Variants in ARAP2 observed in about 807,000 individuals in gnomAD.
The protein encoded by ARAP2 is arf-GAP with Rho-GAP domain, ANK repeat and PH domain-containing protein 2.
A neutral mutation model predicts 194.5 loss-of-function variants in ARAP2; 148 were observed. The ratio of observed to expected loss-of-function variants is 0.76; its 90% CI spans 0.67 to 0.87. The LOEUF (loss-of-function observed/expected upper bound fraction) is 0.87, where lower values mean the gene tolerates loss of function less well. Among genes scored for constraint, ARAP2 ranks in the 40% least tolerant of loss-of-function variants. The pLI is 0.00. For missense variants in ARAP2, 2,128 were observed against 1,989.7 expected, an observed-to-expected ratio of 1.07 and a Z score of -1.32; for synonymous variants, 695 against 683.5, an observed-to-expected ratio of 1.02 and a Z score of -0.26.
At chr4:36,130,156 T>C (rs934680773) in intron 20 of ARAP2, among the ~76,000 whole-genome samples, 3 of 151,958 alleles carry the variant, frequency 2.0e-5, no homozygotes, top group African/African-American at 7.2e-5. Context: ...TACTACATTG[T>C]CACAACTCCT....
intron 1 of ARAP2, among the ~76,000 whole-genome samples, chr4:36,059,420 G>A (rs1220595169): frequency 1.3e-5 from 2 of 152,154 alleles, no homozygotes; most frequent in Non-Finnish European, 2.9e-5. Context: ...GGGTTTGAAT[G>A]CCAGCTTTGC....
rs1722027705 is a variant in ARAP2 at position 36,047,516 on chromosome 4, T to G, written n.370-667A>C. Among the ~76,000 whole-genome samples the G allele has an allele frequency of 1.3e-5, 2 of 152,240 alleles. 1 individual carries two copies. The highest frequency in any genetic ancestry group is 1.3e-4 in the Admixed American group (2 of 15,278). ...ATTTTAGATTCATGCTTTCTTTTAT[T>G]GCTCACTTCTTTATTGAAGCAGCAC... On this transcript the variant is annotated intron_variant and non_coding_transcript_variant, in intron 3 of 12. Coordinates refer to the ARAP2 transcript ENST00000503225.
intron 3 of ARAP2, among the ~76,000 whole-genome samples, chr4:36,213,962 T>C (rs1747351685): frequency 6.6e-6 from 1 of 152,172 alleles, no homozygotes; most frequent in African/African-American, 2.4e-5. Context: ...GTTTGACATC[T>C]TATTGTCAAA....
chr4:36,214,452 T>C lies in ARAP2; in HGVS notation c.934A>G (p.Thr312Ala). The C allele has an allele frequency of 4.4e-6, 7 of 1,594,570 alleles. No homozygotes were observed. Among genetic ancestry groups the C allele is most frequent in the Non-Finnish European group, 6.0e-6 (7 of 1,168,468 alleles). ...SYFRERRNVA[T>A]STEKSVAWQN... is the part of the protein sequence containing the mutation. ...CATGCCACAGATTTTTCAGTTGAGG[T>C]AGCAACATTTCTTCTTTCACGGAAA... Residue 312 changes from threonine (T) to alanine (A), a missense_variant, in exon 3 of 33, where the codon ACC becomes GCC. By Grantham distance (58) the Thr-to-Ala change is moderately conservative. Coordinates refer to ENST00000303965, the MANE Select transcript of ARAP2 (RefSeq NM_015230.4).
chr4:36,083,999 C>T (rs1730241210), intron 28 of ARAP2, among the ~76,000 whole-genome samples: 1 of 152,120 alleles, frequency 6.6e-6, no homozygotes, highest in Admixed American at 6.6e-5. Context: ...CCTTGAACAT[C>T]AGACTCCCAA....
At chr4:36,174,575 T>C (rs1354112097) in intron 9 of ARAP2, among the ~76,000 whole-genome samples, 12 of 152,190 alleles carry the variant, frequency 7.9e-5, no homozygotes, top group Non-Finnish European at 1.3e-4. Flanking sequence ...ATGTGTGTTT[T>C]TGGCTCATCC....
Position 36,228,933 on chromosome 4 carries a change from T to C in ARAP2, c.554A>G (p.Lys185Arg), listed in dbSNP as rs1019288321. The change falls in exon 2 of 33, where the codon AAG becomes AGG. Residue 185 changes from lysine to arginine, a missense_variant. Lys to Arg is a conservative substitution (Grantham distance 26, BLOSUM62 2). Transcript: ENST00000303965. ...NIKIESLITK[K>R]TVDHTVEEQQ... Reference sequence around the variant, plus strand: ...TTCTTCAACTGTGTGATCCACAGTCTTCTTTGTAATCAATGATTCTATTTT... The same window carrying C: ...TTCTTCAACTGTGTGATCCACAGTCCTCTTTGTAATCAATGATTCTATTTT... 1.1e-5 allele frequency: 18 copies of C among 1,613,916 alleles called. No individual in the cohort carries two copies. The highest frequency in any genetic ancestry group is 1.5e-5 in the Non-Finnish European group (18 of 1,179,952).
At chr4:36,068,359 T>G in intron 32 of ARAP2, 81 bp from the exon 33 acceptor site, 1 of 1,400,052 alleles carries the variant, frequency 7.1e-7, no homozygotes, top group South Asian at 1.5e-5. Flanking sequence ...ACATAAAAGT[T>G]GATGCTTCCT....
Position 36,107,593 on chromosome 4 carries a change from T to TAAAAAAAAAAAAAAAAAAAAAAAAAAAA in ARAP2, c.4256_4257insTTTTTTTTTTTTTTTTTTTTTTTTTTTT (p.Leu1419PhefsTer13). ...TGCAGTGTTTAATTGTGTCAGCGGT[T>TAAAAAAAAAAAAAAAAAAAAAAAAAAAA]AAGAATCTCTTCACCACCAGGTAAG... On this transcript the variant is annotated frameshift_variant, in exon 27 of 33. Transcript: ENST00000303965. LOFTEE classifies it high-confidence loss of function. 1 of 1,610,716 alleles carries TAAAAAAAAAAAAAAAAAAAAAAAAAAAA rather than the reference T, an allele frequency of 6.2e-7. No individual in the cohort carries two copies.
At chr4:36,170,365 A>T (rs2109821267) in intron 9 of ARAP2, among the ~76,000 whole-genome samples, 1 of 152,294 alleles carries the variant, frequency 6.6e-6, no homozygotes, top group East Asian at 1.9e-4. Flanking sequence ...AGGTGAGAGG[A>T]TTGCTTGAGG....
Position 36,161,497 on chromosome 4 carries a change from C to T in ARAP2, c.2227G>A (p.Asp743Asn). 1.9e-6 allele frequency: 3 copies of T among 1,614,052 alleles called. No homozygotes were observed. Among genetic ancestry groups the T allele is most frequent in the Non-Finnish European group, 2.5e-6 (3 of 1,179,968 alleles). ...KDSKVRSLKM[D>N]ASIWSNELIE... ...AGTTCATTGCTCCAAATGCTAGCAT[C>T]CATTTTTAGACTTCTAACCTTGGAA... is the stretch of plus-strand genomic sequence containing the variant. The change falls in exon 12 of 33, where the codon GAT becomes AAT. Residue 743 changes from aspartate to asparagine, a missense_variant. Asp to Asn is a conservative substitution (Grantham distance 23). Transcript: ENST00000303965.
chr4:36,130,856 T>G (rs934042386), intron 20 of ARAP2, among the ~76,000 whole-genome samples: 1 of 151,952 alleles, frequency 6.6e-6, no homozygotes, highest in Admixed American at 6.6e-5. Flanking sequence ...GCGTTTGAGA[T>G]AGTATATCCC....
At chr4:36,234,479 TG>T (rs1036567773) in intron 1 of ARAP2, among the ~76,000 whole-genome samples, 2 of 151,734 alleles carry the variant, frequency 1.3e-5, no homozygotes, top group Admixed American at 1.3e-4. Flanking sequence ...GAGCGGGGGG[TG>T]GGGGACACAC....
chr4:36,177,323 T>C (rs897365310), intron 9 of ARAP2, among the ~76,000 whole-genome samples: 1 of 152,188 alleles, frequency 6.6e-6, no homozygotes, highest in African/African-American at 2.4e-5. Context: ...TGTACTTATA[T>C]AGACGTGTGT....
At chr4:36,130,218 G>T (rs1725086327) in intron 20 of ARAP2, among the ~76,000 whole-genome samples, 1 of 151,890 alleles carries the variant, frequency 6.6e-6, no homozygotes, top group Non-Finnish European at 1.5e-5. Context: ...ATAACAGCAT[G>T]ATCTAAAATT....
chr4:36,131,865 T>G (rs1725533786), intron 20 of ARAP2, among the ~76,000 whole-genome samples: 1 of 151,714 alleles, frequency 6.6e-6, no homozygotes, highest in Non-Finnish European at 1.5e-5. Flanking sequence ...CTTCCTCTGT[T>G]TTTAAGTAAA....
intron 3 of ARAP2, among the ~76,000 whole-genome samples, chr4:36,048,579 G>T (rs1294591756): frequency 6.6e-6 from 1 of 152,072 alleles, no homozygotes; most frequent in East Asian, 1.9e-4. Flanking sequence ...TGATATACAT[G>T]AATCATATTT....
chr4:36,010,568 T>C (rs1302887595), intron 9 of ARAP2, among the ~76,000 whole-genome samples: 2 of 152,134 alleles, frequency 1.3e-5, no homozygotes, highest in African/African-American at 2.4e-5. Context: ...TGGATACATT[T>C]GTGCTTATCA....
chr4:36,090,229 AC>A (rs1438387311), intron 28 of ARAP2, among the ~76,000 whole-genome samples: 2 of 152,134 alleles, frequency 1.3e-5, no homozygotes, highest in Non-Finnish European at 2.9e-5. Context: ...CCCCGAACAG[AC>A]CAATAACCAG....
Sources: allele counts gnomAD v4.1 joint callset (sites outside exome capture counted in the v4.1 genomes callset), GRCh38; gene constraint gnomAD v4.1.1; transcripts MANE v1.5; gene names NCBI Gene and HGNC (gene_info 2026-07-23, HGNC 2026-07-21).